The following PSG11 variants were observed in gnomAD, a reference collection of about 807,000 sequenced individuals.
The protein encoded by PSG11 is pregnancy-specific beta-1-glycoprotein 11.
A neutral mutation model predicts 36.0 loss-of-function variants in PSG11; 42 were observed. That is an observed-to-expected ratio of 1.17 (90% CI 0.91 to 1.51). PSG11 has a LOEUF of 1.51. PSG11 is among the 40% of genes most tolerant of loss of function. The pLI is 0.00. For missense variants in PSG11, 558 were observed against 403.5 expected (o/e 1.38, Z -3.28); for synonymous variants, 206 against 153.5 (o/e 1.34, Z -2.53).
intron 4 of PSG11, among the ~76,000 whole-genome samples, chr19:43,011,303 G>A (rs972282548): frequency 6.6e-6 from 1 of 151,128 alleles, no homozygotes; most frequent in African/African-American, 2.4e-5. Context: ...TGAGTCTTGT[G>A]CAAGAAATTT....
At chr19:43,022,478 A>G (rs1311619605) in intron 2 of PSG11, among the ~76,000 whole-genome samples, 1 of 151,302 alleles carries the variant, frequency 6.6e-6, no homozygotes, top group Non-Finnish European at 1.5e-5. Flanking sequence ...TATCCTTGAA[A>G]ATCTCTAAGC....
Position 43,025,981 on chromosome 19 carries a change from A to G in PSG11, c.64+328T>C, listed in dbSNP as rs1408781942. On this transcript the variant is annotated intron_variant, in intron 1 of 5. Coordinates refer to ENST00000320078, the MANE Select transcript of PSG11 (RefSeq NM_002785.3). ...TTTTGAGATGGAGTCTCGTACTGTC[A>G]CCCAGCCTGGCGTGCAGTGGCACTA... 4.7e-5 allele frequency among the ~76,000 whole-genome samples: 5 copies of G among 107,302 alleles called. No individual in the cohort carries two copies. In the East Asian group the frequency reaches 9.2e-4, roughly 20 times the overall value. 70.4% of individuals were successfully genotyped at this position (107,302 alleles called of 152,430 possible). A position where few individuals can be genotyped will look rare whatever the true frequency, so the allele number is the denominator to read the frequency against.
chr19:43,012,046 A>G (rs539316582), intron 4 of PSG11, among the ~76,000 whole-genome samples: 3 of 151,616 alleles, frequency 2.0e-5, no homozygotes, highest in East Asian at 1.9e-4. Flanking sequence ...ACACAAAAAT[A>G]TGAATAAAAC....
intron 3 of PSG11, chr19:43,016,028 A>C (rs769137844): frequency 6.2e-7 from 1 of 1,610,110 alleles, no homozygotes; most frequent in Non-Finnish European, 8.5e-7. Context: ...ATGGTGATGT[A>C]GGGCATGGGC....
intron 5 of PSG11, among the ~76,000 whole-genome samples, chr19:43,008,309 G>A (rs1024528487): frequency 6.6e-6 from 1 of 151,158 alleles, no homozygotes. Flanking sequence ...GTCTCACTCT[G>A]TCATCCAGAC....
intron 4 of PSG11, among the ~76,000 whole-genome samples, chr19:43,013,737 G>A (rs1316606479): frequency 4.0e-5 from 6 of 151,284 alleles, no homozygotes; most frequent in Non-Finnish European, 7.4e-5. Flanking sequence ...ATTAAACAAT[G>A]AATTACCATT....
chr19:43,026,008 C>G (rs1248870039), intron 1 of PSG11, among the ~76,000 whole-genome samples: 1 of 122,350 alleles, frequency 8.2e-6, no homozygotes, highest in Admixed American at 1.0e-4. Context: ...GTGGCACTAT[C>G]TCAGCTCACT....
chr19:43,019,015 T>C lies in PSG11; in HGVS notation c.464A>G (p.Asn155Ser), dbSNP rs377144716. The C allele has an allele frequency of 6.2e-7, 1 of 1,611,938 alleles. No individual in the cohort carries two copies. Among genetic ancestry groups the C allele is most frequent in the Non-Finnish European group, 8.5e-7 (1 of 1,179,078 alleles). ...ETPKPSISSS[N>S]LNPREAMETV... is the part of the protein sequence containing the mutation. ...CTCCATGGCCTCCCTGGGGTTTAAG[T>C]TGCTGCTGGAGATGGAGGGCTTGGG... Residue 155 changes from asparagine (N) to serine (S), a missense_variant, in exon 3 of 6, where the codon AAC becomes AGC. Physicochemically the swap from Asn to Ser is conservative, Grantham distance 46. Transcript: ENST00000320078.
Position 43,018,694 on chromosome 19 carries a change from G to T in PSG11, c.709+76C>A, listed in dbSNP as rs59601362. On this transcript the variant is annotated intron_variant, in intron 3 of 5. Coordinates refer to ENST00000320078, the MANE Select transcript of PSG11 (RefSeq NM_002785.3). ...AGGTCTCTGTACTTGGACCTGAGAG[G>T]GACTGAGAGGCCTGGCCTCTGGCCA... is the stretch of plus-strand genomic sequence containing the variant. 2.2e-4 allele frequency: 350 copies of T among 1,610,020 alleles called. 12 individuals are homozygous for T. The African/African-American group carries it at 4.3e-3, about 20-fold the overall frequency.
chr19:43,018,349 T>A, intron 3 of PSG11: 4 of 326,708 alleles, frequency 1.2e-5, no homozygotes, highest in Non-Finnish European at 2.4e-5. Context: ...GAGGAAGAAA[T>A]GGTGAGGGCA....
At position 43,025,069 on chromosome 19, in the gene PSG11, G is replaced by A. The variant is rs1326060894; in HGVS notation, c.65-13C>T. 6.2e-7 allele frequency: 1 copy of A among 1,605,138 alleles called. No homozygotes were observed. Among genetic ancestry groups the A allele is most frequent in the Non-Finnish European group, 8.5e-7 (1 of 1,175,528 alleles). ...TTTAAAAGTAATGCTAGGAGGTGGA[G>A]AGAGCATCAGTCAATATTGAGACCT... is the stretch of plus-strand genomic sequence containing the variant. On this transcript the variant is annotated splice_polypyrimidine_tract_variant and intron_variant, in intron 1 of 5. Coordinates refer to ENST00000320078, the MANE Select transcript of PSG11 (RefSeq NM_002785.3).
chr19:43,010,036 G>A lies in PSG11; in HGVS notation c.970C>T (p.Pro324Ser), dbSNP rs1175221660. The A allele has an allele frequency of 1.2e-6, 2 of 1,609,272 alleles. No homozygotes were observed. Among genetic ancestry groups the A allele is most frequent in the Admixed American group, 1.7e-5 (1 of 59,796 alleles). ...TTGAAAGCAAAAGTTCCTAATCCTG[G>A]AGGAGCTGTCATGGAAAGAAAAGAA... ...TSLTIRVIAP[P>S]GLGTFAFNNP... is the part of the protein sequence containing the mutation. The change falls in exon 5 of 6, where the codon CCA (proline) becomes TCA (serine). Residue 324 changes from proline to serine, a missense_variant. By Grantham distance (74) the Pro-to-Ser change is moderately conservative (BLOSUM62 -1). Transcript: ENST00000320078.
chr19:43,013,154 G>A lies in PSG11; in HGVS notation c.964+1962C>T, dbSNP rs186877058. ...ATAAATCATAGATCTAAATGTGAGAGCAAAAACTATACAACTCTTAGAAGA... is the reference window on the plus strand; with the variant it reads ...ATAAATCATAGATCTAAATGTGAGAACAAAAACTATACAACTCTTAGAAGA... On this transcript the variant is annotated intron_variant, in intron 4 of 5. Coordinates refer to ENST00000320078, the MANE Select transcript of PSG11 (RefSeq NM_002785.3). Among the ~76,000 whole-genome samples the A allele has an allele frequency of 1.7e-4, 26 of 151,404 alleles. 1 individual carries two copies. In the East Asian group the frequency reaches 3.3e-3, roughly 19 times the overall value.
At chr19:43,024,646 T>G (rs1282775462) in intron 2 of PSG11, 45 bp downstream of exon 2, 1 of 1,609,462 alleles carries the variant, frequency 6.2e-7, no homozygotes, top group Non-Finnish European at 8.5e-7. Context: ...GATGTAGAAG[T>G]GACCCCTGTC....
At chr19:43,017,146 G>A (rs769849500) in intron 3 of PSG11, 34 of 151,286 alleles carry the variant, frequency 2.2e-4, no homozygotes, top group African/African-American at 8.3e-4. Context: ...TATACAAGTT[G>A]GGGAGTTTCT....
At chr19:43,019,214 A>C (rs938239387) in intron 2 of PSG11, among the ~76,000 whole-genome samples, 166 bp from the exon 3 acceptor site, 5 of 151,408 alleles carry the variant, frequency 3.3e-5, no homozygotes. Context: ...TCTGAAGGCT[A>C]AGAGATTGTG....
chr19:43,024,670 G>A (rs1198027354), intron 2 of PSG11, 21 bp downstream of exon 2: 2 of 1,609,474 alleles, frequency 1.2e-6, no homozygotes, highest in South Asian at 1.1e-5. Context: ...CAACACCCAG[G>A]GATCATGTGG....
chr19:43,012,150 C>G (rs1010283216), intron 4 of PSG11, among the ~76,000 whole-genome samples: 3 of 151,082 alleles, frequency 2.0e-5, no homozygotes, highest in Admixed American at 6.6e-5. Flanking sequence ...AGGAAACCAC[C>G]TCAACATAAA....
rs192572979 is a variant in PSG11, at chr19:43,021,444, C to T, written c.431-2396G>A. 9.4e-4 allele frequency among the ~76,000 whole-genome samples: 142 copies of T among 151,320 alleles called. 8 individuals are homozygous for T. The highest frequency in any genetic ancestry group is 3.0e-3 in the African/African-American group (123 of 41,074). On this transcript the variant is annotated intron_variant, in intron 2 of 5. Transcript: ENST00000320078. ...TCAGCTCACTGCAAGCTCCACCTCC[C>T]GGGTTCACACCATTCTCCTGCCTCG...
Sources: allele counts gnomAD v4.1 joint callset (sites outside exome capture counted in the v4.1 genomes callset), GRCh38; gene constraint gnomAD v4.1.1; transcripts MANE v1.5; gene names NCBI Gene and HGNC (gene_info 2026-07-23, HGNC 2026-07-21).